MMP26: variants seen among roughly 807,000 people sequenced by gnomAD.
MMP26 encodes the protein matrix metallopeptidase 26.
MMP26 carries 33 observed loss-of-function variants against 31.0 expected under a neutral mutation model. The ratio of observed to expected loss-of-function variants is 1.06; its 90% CI spans 0.81 to 1.42. The LOEUF (loss-of-function observed/expected upper bound fraction) is 1.42, where lower values mean the gene tolerates loss of function less well. Among genes scored for constraint, MMP26 ranks in the 40% most tolerant of loss-of-function variants. MMP26 has a pLI of 0.00. For synonymous variants in MMP26, 122 were observed against 114.9 expected, an observed-to-expected ratio of 1.06 and a Z score of -0.40; for missense variants, 347 against 316.1, an observed-to-expected ratio of 1.10 and a Z score of -0.74.
At chr11:4,708,894 A>G (rs879514672) in intron 1 of MMP26, among the ~76,000 whole-genome samples, 1 of 152,244 alleles carries the variant, frequency 6.6e-6, no homozygotes, top group African/African-American at 2.4e-5. Flanking sequence ...TCCTTTGAAC[A>G]TAATCAACTT....
At chr11:4,924,298 G>A in intron 2 of MMP26, 2 of 1,613,128 alleles carry the variant, frequency 1.2e-6, no homozygotes, top group Non-Finnish European at 1.7e-6. Flanking sequence ...CCGTCAGGAA[G>A]AAAGTGGCTC....
chr11:4,777,840 A>G (rs2076825250), intron 2 of MMP26, among the ~76,000 whole-genome samples: 2 of 151,962 alleles, frequency 1.3e-5, no homozygotes, highest in Admixed American at 6.6e-5. Context: ...TAACTTTTCC[A>G]TCCTGTTGTT....
chr11:4,954,835 A>G, intron 2 of MMP26: 1 of 1,104,766 alleles, frequency 9.1e-7, no homozygotes, highest in Non-Finnish European at 1.3e-6. Context: ...TTTTTACACA[A>G]TAAACAATTG....
chr11:4,907,115 A>AAAAAAAAAAAAAC (rs1554890101), intron 2 of MMP26, among the ~76,000 whole-genome samples: 2 of 144,816 alleles, frequency 1.4e-5, no homozygotes, highest in Non-Finnish European at 1.5e-5. Flanking sequence ...AAAAAAAAAA[A>AAAAAAAAAAAAAC]TCCTAAAAAT....
chr11:4,991,467 A>G lies in MMP26; in HGVS notation c.566A>G (p.Lys189Arg). Residue 189 changes from lysine (K) to arginine (R), a missense_variant, in exon 6 of 8, where the codon AAG (lysine) becomes AGG (arginine). Transcript: ENST00000380390. ...AATCCTGGAGTTGTCCATTTTGACA[A>G]GAATGAACACTGGTCAGCTTCAGAC... The part of the protein sequence containing the change: ...SGNPGVVHFD[K>R]NEHWSASDTG... 6.2e-7 allele frequency: 1 copy of G among 1,613,998 alleles called. No homozygotes were observed. Among genetic ancestry groups the G allele is most frequent in the Non-Finnish European group, 8.5e-7 (1 of 1,179,874 alleles).
At chr11:4,751,971 A>G (rs1345638732) in intron 1 of MMP26, 1 of 152,156 alleles carries the variant, frequency 6.6e-6, no homozygotes, top group African/African-American at 2.4e-5. Flanking sequence ...TGGGTTTATA[A>G]TTCCAATTTG....
At chr11:4,991,637 G>A in intron 6 of MMP26, 141 bp downstream of exon 6, 2 of 1,040,874 alleles carry the variant, frequency 1.9e-6, no homozygotes, top group Non-Finnish European at 2.8e-6. Flanking sequence ...TATAAGTGAG[G>A]AGATGTGGGA....
chr11:4,974,069 C>CA (rs1268713307), intron 2 of MMP26, among the ~76,000 whole-genome samples: 2 of 151,466 alleles, frequency 1.3e-5, no homozygotes, highest in African/African-American at 2.4e-5. Flanking sequence ...CAACTAGAAA[C>CA]AAAAAACCGA....
intron 2 of MMP26, among the ~76,000 whole-genome samples, chr11:4,857,320 G>C (rs540160030): frequency 6.6e-6 from 1 of 151,914 alleles, no homozygotes; most frequent in African/African-American, 2.4e-5. Context: ...AAAATTGATA[G>C]ACTGCTAGCA....
intron 2 of MMP26, among the ~76,000 whole-genome samples, chr11:4,950,143 T>C (rs1488093961): frequency 1.6e-5 from 2 of 123,806 alleles, no homozygotes; most frequent in Non-Finnish European, 3.7e-5. Context: ...AAAACATTAA[T>C]TTGAGTTGGA....
In MMP26 at chr11:4,950,548, G is replaced by T. The variant is rs779979947; in HGVS notation, c.-144-37520G>T. Among the ~76,000 whole-genome samples, 7 of 119,968 alleles carry T rather than the reference G, an allele frequency of 5.8e-5. 2 individuals are homozygous for T. Among genetic ancestry groups the T allele is most frequent in the Non-Finnish European group, 1.3e-4 (7 of 53,156 alleles). 78.7% of individuals were successfully genotyped at this position (119,968 alleles called of 152,430 possible). ...GGATGGGGGGAGTCTGGAGATGATAGTCAAAAGGTAAAAAGTTAGAAAGAA... is the reference window on the plus strand; with the variant it reads ...GGATGGGGGGAGTCTGGAGATGATATTCAAAAGGTAAAAAGTTAGAAAGAA... On this transcript the variant is annotated intron_variant, in intron 2 of 7. Coordinates refer to ENST00000380390, the MANE Select transcript of MMP26 (RefSeq NM_021801.5).
chr11:4,915,533 A>G (rs781363047), intron 2 of MMP26: 2 of 1,614,104 alleles, frequency 1.2e-6, no homozygotes, highest in East Asian at 4.5e-5. Flanking sequence ...GTTGCCCGGG[A>G]TGGAAACCAG....
chr11:4,839,287 G>A lies in MMP26; in HGVS notation c.-145+71946G>A, dbSNP rs564997688. Among the ~76,000 whole-genome samples the A allele has an allele frequency of 2.6e-5, 4 of 152,068 alleles. No individual in the cohort carries two copies. The South Asian group carries it at 8.3e-4, about 32-fold the overall frequency. On this transcript the variant is annotated intron_variant, in intron 2 of 7. Coordinates refer to ENST00000380390, the MANE Select transcript of MMP26 (RefSeq NM_021801.5). The stretch of plus-strand genomic sequence containing the variant: ...GCCACAAGGACTGCAACTCTCAAAC[G>A]AGTCCTGTTGCTGAACTGGTCCAGA...
intron 2 of MMP26, among the ~76,000 whole-genome samples, chr11:4,864,959 C>G (rs1286717125): frequency 6.6e-6 from 1 of 151,996 alleles, no homozygotes; most frequent in Non-Finnish European, 1.5e-5. Flanking sequence ...TGTTTTAATT[C>G]ACAGTTTTAA....
At chr11:4,804,275 C>CACAGAACGGA (rs762933247) in intron 2 of MMP26, 38 of 1,613,876 alleles carry the variant, frequency 2.4e-5, no homozygotes, top group Non-Finnish European at 3.2e-5. Context: ...GCATACGTGG[C>CACAGAACGGA]ACAGAACGGA....
At chr11:4,933,414 A>G (rs1353736622) in intron 2 of MMP26, among the ~76,000 whole-genome samples, 1 of 152,138 alleles carries the variant, frequency 6.6e-6, no homozygotes, top group Admixed American at 6.6e-5. Context: ...TATATATGCA[A>G]AAACAACACC....
chr11:4,844,182 G>A (rs1413982520), intron 2 of MMP26, among the ~76,000 whole-genome samples: 1 of 152,088 alleles, frequency 6.6e-6, no homozygotes, highest in Non-Finnish European at 1.5e-5. Context: ...TAATGGAGAA[G>A]TTCCTAGATG....
intron 2 of MMP26, among the ~76,000 whole-genome samples, chr11:4,971,913 G>C (rs927794754): frequency 6.6e-6 from 1 of 152,062 alleles, no homozygotes; most frequent in African/African-American, 2.4e-5. Context: ...CAGGAACATA[G>C]AGTGAGAACT....
intron 2 of MMP26, chr11:4,889,449 C>T (rs573724822): frequency 5.9e-5 from 9 of 151,950 alleles, no homozygotes; most frequent in Non-Finnish European, 8.8e-5. Flanking sequence ...ATTTTTTATC[C>T]GTAGATGTGA....
Sources: gnomAD v4.1 joint callset for allele counts (sites outside exome capture counted in the v4.1 genomes callset) on GRCh38, gnomAD v4.1.1 for gene constraint, MANE v1.5 for transcripts, NCBI Gene and HGNC (gene_info 2026-07-23, HGNC 2026-07-21) for gene names.